The following RAPGEF5 variants were observed in gnomAD, a reference collection of about 807,000 sequenced individuals.
The protein encoded by RAPGEF5 is Rap guanine nucleotide exchange factor 5, also known as M-Ras-regulated GEF.
Under a neutral mutation model 125.2 loss-of-function variants are expected in RAPGEF5, and 65 were observed. That is an observed-to-expected ratio of 0.52 (90% CI 0.43 to 0.64). The LOEUF is 0.64. Among genes scored for constraint, RAPGEF5 ranks in the 30% least tolerant of loss-of-function variants. The probability of loss-of-function intolerance (pLI) is 0.00; values close to 1 mark genes in which losing one functional copy is unlikely to be tolerated. For synonymous variants in RAPGEF5, 391 were observed against 385.9 expected, an observed-to-expected ratio of 1.01 and a Z score of -0.16; for missense variants, 958 against 1,048.1, an observed-to-expected ratio of 0.91 and a Z score of 1.19.
At chr7:22,148,799 C>G (rs1237137655) in intron 18 of RAPGEF5, among the ~76,000 whole-genome samples, 1 of 152,166 alleles carries the variant, frequency 6.6e-6, no homozygotes, top group African/African-American at 2.4e-5. Context: ...GTATGGGTGG[C>G]AGAGGAGGCA....
chr7:22,293,599 TCTCCAGA>T (rs2128148217), intron 5 of RAPGEF5, among the ~76,000 whole-genome samples: 1 of 152,254 alleles, frequency 6.6e-6, no homozygotes, highest in African/African-American at 2.4e-5. Flanking sequence ...GTCCTGCTCT[TCTCCAGA>T]CTCCAAACCT....
intron 5 of RAPGEF5, among the ~76,000 whole-genome samples, chr7:22,297,420 A>C (rs971994811): frequency 6.6e-6 from 1 of 152,230 alleles, no homozygotes; most frequent in African/African-American, 2.4e-5. Flanking sequence ...TCAATGAAAT[A>C]AAAAGCAAGG....
At chr7:22,331,744 C>CA (rs11406166) in intron 1 of RAPGEF5, among the ~76,000 whole-genome samples, 26,509 of 94,528 alleles carry the variant, frequency 0.28, 3,306 homozygotes, top group Middle Eastern at 0.34. Flanking sequence ...GACTCCATCT[C>CA]AAAAAAAAAA....
At chr7:22,299,964 C>T (rs1362697582) in intron 5 of RAPGEF5, among the ~76,000 whole-genome samples, 3 of 152,128 alleles carry the variant, frequency 2.0e-5, no homozygotes, top group African/African-American at 7.2e-5. Flanking sequence ...GAGTGTGTTT[C>T]TCTGAGTGCT....
intron 7 of RAPGEF5, among the ~76,000 whole-genome samples, chr7:22,265,172 T>C (rs1170634238): frequency 6.6e-6 from 1 of 152,170 alleles, no homozygotes; most frequent in East Asian, 1.9e-4. Context: ...AAATTATTGA[T>C]AACTATATCC....
Position 22,125,649 on chromosome 7 carries a change from C to A in RAPGEF5, c.2491G>T (p.Ala831Ser). ...TGTCTCAGGGTTCGGACAGTGTCTG[C>A]GATCATATGCTGTAAAGTAGAACAG... ...LVNFEKLHMI[A>S]DTVRTLRHCR... Residue 831 changes from alanine to serine, a missense_variant, in exon 25 of 26, where the codon GCA (alanine) becomes TCA (serine). Ala to Ser is a moderately conservative substitution (Grantham distance 99, BLOSUM62 1). Coordinates refer to ENST00000665637, the MANE Select transcript of RAPGEF5 (RefSeq NM_012294.5). 6.2e-7 allele frequency: 1 copy of A among 1,610,550 alleles called. No individual in the cohort carries two copies. The highest frequency in any genetic ancestry group is 8.5e-7 in the Non-Finnish European group (1 of 1,176,982).
intron 1 of RAPGEF5, among the ~76,000 whole-genome samples, chr7:22,337,662 A>G (rs1292865264): frequency 6.6e-6 from 1 of 152,026 alleles, no homozygotes; most frequent in African/African-American, 2.4e-5. Flanking sequence ...GGTTCAAGGC[A>G]AGATAGAGTT....
chr7:22,265,113 A>T (rs536306752), intron 7 of RAPGEF5, among the ~76,000 whole-genome samples: 2 of 152,332 alleles, frequency 1.3e-5, no homozygotes, highest in Admixed American at 1.3e-4. Context: ...TATCATTTGT[A>T]TTGAGAACAT....
At chr7:22,232,314 CT>C (rs5882838) in intron 7 of RAPGEF5, among the ~76,000 whole-genome samples, 76,455 of 139,086 alleles carry the variant, frequency 0.55, 19,977 homozygotes, top group East Asian at 0.82. Context: ...ATTCTGTGTG[CT>C]TTTTTTTTTT....
Position 22,357,081 on chromosome 7 carries a change from C to G in RAPGEF5, c.-21G>C. 3.9e-6 allele frequency: 4 copies of G among 1,027,910 alleles called. No homozygotes were observed. The highest frequency in any genetic ancestry group is 4.7e-6 in the Non-Finnish European group (4 of 857,430). 63.7% of individuals were successfully genotyped at this position (1,027,910 alleles called of 1,614,324 possible). On this transcript the variant is annotated 5_prime_UTR_variant, in exon 1 of 26. Transcript: ENST00000665637. ...CTCATGCCCTGACGGCGCTGCGGCGCCGGGGGCTCCTCTCCACCGCGCTCG... is the reference window on the plus strand; with the variant it reads ...CTCATGCCCTGACGGCGCTGCGGCGGCGGGGGCTCCTCTCCACCGCGCTCG...
At chr7:22,215,893 A>G (rs1785626186) in intron 9 of RAPGEF5, among the ~76,000 whole-genome samples, 1 of 152,340 alleles carries the variant, frequency 6.6e-6, no homozygotes, top group South Asian at 2.1e-4. Flanking sequence ...CTAACATCTC[A>G]GCTACCTGAA....
intron 5 of RAPGEF5, among the ~76,000 whole-genome samples, chr7:22,295,105 A>G (rs1223518409): frequency 1.3e-5 from 2 of 152,214 alleles, no homozygotes; most frequent in Non-Finnish European, 2.9e-5. Flanking sequence ...CATGATGTCT[A>G]TATTCTAGAC....
In RAPGEF5 at chr7:22,162,395, AC is replaced by A; in HGVS notation, c.1428+1del. The A allele has an allele frequency of 6.4e-7, 1 of 1,570,236 alleles. No individual in the cohort carries two copies. The highest frequency in any genetic ancestry group is 8.7e-7 in the Non-Finnish European group (1 of 1,143,848). ...AAAGAATATCTGGAAATGTTTGATT[AC>A]CTTTAAAAACATTTTTGAATGTTCA... On this transcript the variant is annotated splice_donor_variant, in intron 13 of 25. Coordinates refer to ENST00000665637, the MANE Select transcript of RAPGEF5 (RefSeq NM_012294.5). LOFTEE classifies it high-confidence loss of function.
intron 7 of RAPGEF5, among the ~76,000 whole-genome samples, chr7:22,243,947 C>T (rs1053194457): frequency 1.3e-5 from 2 of 152,176 alleles, no homozygotes; most frequent in Non-Finnish European, 2.9e-5. Context: ...CTGCTACCCG[C>T]CAAGCCTGTG....
intron 6 of RAPGEF5, 89 bp downstream of exon 6, chr7:22,291,086 T>C: frequency 7.2e-7 from 1 of 1,391,814 alleles, no homozygotes; most frequent in East Asian, 2.6e-5. Flanking sequence ...GGAAAATGTC[T>C]CTCTACACCA....
intron 8 of RAPGEF5, among the ~76,000 whole-genome samples, chr7:22,224,395 C>T (rs1485883189): frequency 6.6e-6 from 1 of 152,182 alleles, no homozygotes; most frequent in African/African-American, 2.4e-5. Flanking sequence ...TGCTTTGACA[C>T]TTAAATACAT....
At chr7:22,304,891 T>C (rs113316567) in intron 5 of RAPGEF5, among the ~76,000 whole-genome samples, 1,982 of 152,316 alleles carry the variant, frequency 0.013, 37 homozygotes, top group African/African-American at 0.045. Context: ...GTGAGACCAA[T>C]TGAATGGTAT....
At position 22,281,004 on chromosome 7, in the gene RAPGEF5, C is replaced by T. The variant is rs1321665086; in HGVS notation, c.747+10171G>A. On this transcript the variant is annotated intron_variant, in intron 6 of 25. Transcript: ENST00000665637. ...ATACTTCTGACTTTAAGAGTGGTTC[C>T]ATAACTTCCTCCTTTGGCTTAGGAT... Among the ~76,000 whole-genome samples, 9 of 152,282 alleles carry T rather than the reference C, an allele frequency of 5.9e-5. No homozygotes were observed. In the South Asian group the frequency reaches 1.9e-3, roughly 32 times the overall value.
Position 22,145,099 on chromosome 7 carries a change from T to C in RAPGEF5, c.2131A>G (p.Ser711Gly), listed in dbSNP as rs535445274. ...AGCTGCACTCGCTTGCCCAGCTGGC[T>C]GCAGAGCAGAATCTCCGTGGCCACC... ...LWVATEILLC[S>G]QLGKRVQLVK... The change falls in exon 20 of 26, where the codon AGC becomes GGC. Residue 711 changes from serine to glycine, a missense_variant. Coordinates refer to ENST00000665637, the MANE Select transcript of RAPGEF5 (RefSeq NM_012294.5). 3.1e-6 allele frequency: 5 copies of C among 1,613,872 alleles called. No individual in the cohort carries two copies. The Admixed American group carries it at 6.7e-5, about 22-fold the overall frequency.
Sources: gnomAD v4.1 joint callset for allele counts (sites outside exome capture counted in the v4.1 genomes callset) on GRCh38, gnomAD v4.1.1 for gene constraint, MANE v1.5 for transcripts, NCBI Gene and HGNC (gene_info 2026-07-23, HGNC 2026-07-21) for gene names.